Variants in RBFOX3 observed in about 807,000 individuals in gnomAD.
RBFOX3 encodes RNA binding protein fox-1 homolog 3.
A neutral mutation model predicts 48.7 loss-of-function variants in RBFOX3; 17 were observed. That is an observed-to-expected ratio of 0.35 (90% CI 0.24 to 0.52). The LOEUF (loss-of-function observed/expected upper bound fraction) is 0.52, where lower values mean the gene tolerates loss of function less well. Ranked by LOEUF, RBFOX3 falls within the 20% of genes least tolerant of loss-of-function variation. The pLI, the probability that RBFOX3 is intolerant of heterozygous loss-of-function variation, is 0.94. For synonymous variants in RBFOX3, 212 were observed against 209.5 expected (o/e 1.01, Z -0.10); for missense variants, 382 against 497.5 (o/e 0.77, Z 2.21).
At chr17:79,402,775 C>T (rs960432524) in intron 2 of RBFOX3, among the ~76,000 whole-genome samples, 21 of 152,268 alleles carry the variant, frequency 1.4e-4, no homozygotes, top group Non-Finnish European at 2.6e-4. Flanking sequence ...TTGGACAGCC[C>T]GGGGTCAGAG....
chr17:79,212,370 C>G lies in RBFOX3; in HGVS notation c.-34+23396G>C, dbSNP rs1036673435. ...AAGGAAGGGGCCGCACTTGCTCCAG[C>G]CTCTCTGGCTGCTCCTTCCTTCCCT... On this transcript the variant is annotated intron_variant, in intron 4 of 14. Coordinates refer to ENST00000693108, the MANE Select transcript of RBFOX3 (RefSeq NM_001350451.2). The surrounding 1 kb of genome is among the most constrained non-coding windows in gnomAD (Gnocchi z 4.7). Among the ~76,000 whole-genome samples, 1 of 152,140 alleles carries G rather than the reference C, an allele frequency of 6.6e-6. No homozygotes were observed. Among genetic ancestry groups the G allele is most frequent in the Non-Finnish European group, 1.5e-5 (1 of 68,014 alleles).
rs781618072 is a variant in RBFOX3 at position 79,403,782 on chromosome 17, CTTTTTTTT to C, written c.-175+78664_-175+78671del. Among the ~76,000 whole-genome samples the C allele has an allele frequency of 3.2e-5, 4 of 124,356 alleles. No individual in the cohort carries two copies. In the East Asian group the frequency reaches 7.1e-4, roughly 22 times the overall value. The allele number at this position is 124,356 out of a possible 152,430, so 81.6% of individuals were successfully genotyped here. On this transcript the variant is annotated intron_variant, in intron 2 of 14. Transcript: ENST00000693108. ...GCACAAGCTCCCAGATGTTCTTTTTCTTTTTTTTTTTTTTTTTTTGAGATGGAGTCTTG... is the reference window on the plus strand; with the variant it reads ...GCACAAGCTCCCAGATGTTCTTTTTCTTTTTTTTTTTGAGATGGAGTCTTG...
At chr17:79,279,899 G>A (rs569051593) in intron 3 of RBFOX3, among the ~76,000 whole-genome samples, 1 of 152,284 alleles carries the variant, frequency 6.6e-6, no homozygotes, top group African/African-American at 2.4e-5. Flanking sequence ...AACAACTCCA[G>A]GCACCAGAGA....
chr17:79,324,494 T>G (rs1039378623), intron 2 of RBFOX3, among the ~76,000 whole-genome samples: 1 of 152,206 alleles, frequency 6.6e-6, no homozygotes, highest in Non-Finnish European at 1.5e-5. Flanking sequence ...CAGTGCCCCT[T>G]CTTCGATGGA....
rs529001216 is a variant in RBFOX3, at chr17:79,443,150, C to A, written c.-175+39304G>T. Among the ~76,000 whole-genome samples, 1 of 152,338 alleles carries A rather than the reference C, an allele frequency of 6.6e-6. No homozygotes were observed. The highest frequency in any genetic ancestry group is 1.5e-5 in the Non-Finnish European group (1 of 68,032). ...TCAGCCTCCCATGTCGCCTCCCCAACCAGCCACCTGGGAACCCGAGGAAGT... is the reference window on the plus strand; with the variant it reads ...TCAGCCTCCCATGTCGCCTCCCCAAACAGCCACCTGGGAACCCGAGGAAGT... On this transcript the variant is annotated intron_variant, in intron 2 of 14. Coordinates refer to ENST00000693108, the MANE Select transcript of RBFOX3 (RefSeq NM_001350451.2). The surrounding 1 kb of genome is among the most constrained non-coding windows in gnomAD (Gnocchi z 4.4).
At chr17:79,468,664 T>C (rs1230920373) in intron 2 of RBFOX3, among the ~76,000 whole-genome samples, 3 of 148,574 alleles carry the variant, frequency 2.0e-5, no homozygotes, top group African/African-American at 5.0e-5. Context: ...AATGGATGGA[T>C]GGATAGATAG....
intron 1 of RBFOX3, among the ~76,000 whole-genome samples, chr17:79,514,480 C>A (rs1468673703): frequency 2.0e-5 from 3 of 152,268 alleles, no homozygotes; most frequent in Non-Finnish European, 4.4e-5. Flanking sequence ...GCCTCACACA[C>A]CCAGGTGGCC....
intron 2 of RBFOX3, among the ~76,000 whole-genome samples, chr17:79,381,784 C>T (rs113627965): frequency 0.018 from 2,687 of 152,310 alleles, 33 homozygotes; most frequent in Non-Finnish European, 0.026. Flanking sequence ...CAGGCCTCAG[C>T]GCCTTCCTTT....
chr17:79,525,266 G>C (rs902444872), intron 1 of RBFOX3, among the ~76,000 whole-genome samples: 7 of 152,154 alleles, frequency 4.6e-5, no homozygotes, highest in Admixed American at 4.6e-4. Context: ...GATGTCTCCA[G>C]ACATTGCCAA....
intron 9 of RBFOX3, chr17:79,099,501 GAGCAGAGTCCTGGAGACCCTGACCCCA>G (rs1015025813): frequency 2.0e-5 from 3 of 152,212 alleles, no homozygotes; most frequent in African/African-American, 7.2e-5. Flanking sequence ...GCCCATGATG[GAGCAGAGTCCTGGAGACCCTGACCCCA>G]AGCCCAGACT....
chr17:79,380,785 CT>C (rs1239009364), intron 2 of RBFOX3, among the ~76,000 whole-genome samples: 1 of 152,162 alleles, frequency 6.6e-6, no homozygotes, highest in Admixed American at 6.5e-5. Flanking sequence ...TGCCACCACA[CT>C]TTCTAAACAC....
At chr17:79,626,864 C>T in the RBFOX3 span, among the ~76,000 whole-genome samples, 1 of 152,242 alleles carries the variant, frequency 6.6e-6, no homozygotes, top group African/African-American at 2.4e-5. Flanking sequence ...CAGATGGTCA[C>T]TTCTGAGAAA....
the RBFOX3 span, among the ~76,000 whole-genome samples, chr17:79,665,281 G>T: frequency 2.6e-5 from 4 of 152,118 alleles, no homozygotes; most frequent in African/African-American, 9.6e-5. Flanking sequence ...TTTTCCAATA[G>T]CTTTTGCCAG....
chr17:79,585,624 T>C (rs1368392007), intron 1 of RBFOX3, among the ~76,000 whole-genome samples: 1 of 152,042 alleles, frequency 6.6e-6, no homozygotes, highest in African/African-American at 2.4e-5. Context: ...TCTAGGAATA[T>C]TCAGGAGGAG....
intron 1 of RBFOX3, among the ~76,000 whole-genome samples, chr17:79,499,279 T>C (rs2082067310): frequency 6.6e-6 from 1 of 151,098 alleles, no homozygotes; most frequent in African/African-American, 2.4e-5. Context: ...CACCCACCCA[T>C]CTACCATCCA....
chr17:79,432,912 C>A (rs782421147), intron 2 of RBFOX3, among the ~76,000 whole-genome samples: 1 of 152,230 alleles, frequency 6.6e-6, no homozygotes, highest in Non-Finnish European at 1.5e-5. Context: ...TTGGTGACAG[C>A]GTGAAAGACG....
chr17:79,656,699 AGGAAG>A, the RBFOX3 span, among the ~76,000 whole-genome samples: 2 of 117,334 alleles, frequency 1.7e-5, no homozygotes, highest in Non-Finnish European at 3.3e-5. Flanking sequence ...GAAGGAAGGA[AGGAAG>A]GAAGGAGAGA....
rs555336465 is a variant in RBFOX3, at chr17:79,147,784, C to T, written c.-33-32036G>A. Among the ~76,000 whole-genome samples, 115 of 152,338 alleles carry T rather than the reference C, an allele frequency of 7.5e-4. 1 individual carries two copies. The highest frequency in any genetic ancestry group is 2.4e-3 in the African/African-American group (99 of 41,576). On this transcript the variant is annotated intron_variant, in intron 4 of 14. Transcript: ENST00000693108. ...GTGCCCAGTACCTGGCCAGGGCTGC[C>T]GGTGGGCGACGAGGCAGTAGCTGGT... is the stretch of plus-strand genomic sequence containing the variant.
At chr17:79,259,417 A>G (rs1019962147) in intron 3 of RBFOX3, among the ~76,000 whole-genome samples, 2 of 152,164 alleles carry the variant, frequency 1.3e-5, no homozygotes, top group African/African-American at 4.8e-5. Context: ...CCAGAGGCGA[A>G]TGGGAAGGTG....
Sources: allele counts gnomAD v4.1 joint callset (sites outside exome capture counted in the v4.1 genomes callset), GRCh38; gene constraint gnomAD v4.1.1; non-coding constraint Gnocchi (gnomAD v3.1); transcripts MANE v1.5; gene names NCBI Gene and HGNC (gene_info 2026-07-23, HGNC 2026-07-21).